ERVFRD-1: variants seen among roughly 807,000 people sequenced by gnomAD.
ERVFRD-1 encodes syncytin-2.
A neutral mutation model predicts 43.8 loss-of-function variants in ERVFRD-1; 33 were observed. The observed-to-expected ratio is 0.75, with a 90% CI of 0.57 to 1.01. The LOEUF is 1.01. ERVFRD-1 is among the 50% of genes least tolerant of loss of function. The probability of loss-of-function intolerance (pLI) is 0.00; values close to 1 mark genes in which losing one functional copy is unlikely to be tolerated. For synonymous variants in ERVFRD-1, 239 were observed against 244.4 expected (o/e 0.98, Z 0.21); for missense variants, 568 against 658.4 (o/e 0.86, Z 1.50).
chr6:11,105,092 A>G lies in ERVFRD-1; in HGVS notation c.219T>C (p.His73=). ...REWTSIEAEL[H]ISYRWDPNLK... is the part of the protein sequence containing the mutation. Reference sequence around the variant, plus strand: ...GATTAGGGTCCCATCGATAGGAAATATGTAATTCCGCCTCTATGCTTGTCC... The same window carrying G: ...GATTAGGGTCCCATCGATAGGAAATGTGTAATTCCGCCTCTATGCTTGTCC... The change falls in exon 2 of 2, where the codon CAT becomes CAC. Residue 73 remains histidine (H), a synonymous_variant. Coordinates refer to ENST00000472091, the MANE Select transcript of ERVFRD-1 (RefSeq NM_207582.3). 6.2e-7 allele frequency: 1 copy of G among 1,614,190 alleles called. No individual in the cohort carries two copies. The highest frequency in any genetic ancestry group is 8.5e-7 in the Non-Finnish European group (1 of 1,180,028).
rs932653990 is a variant in ERVFRD-1, at chr6:11,105,616, C to T, written c.-306G>A. ...GTGTGATGGATCTAGCTGGCAGTCTCCAGTACTGTAATGGCTGTAGGGGTA... is the reference window on the plus strand; with the variant it reads ...GTGTGATGGATCTAGCTGGCAGTCTTCAGTACTGTAATGGCTGTAGGGGTA... On this transcript the variant is annotated 5_prime_UTR_variant, in exon 2 of 2. Transcript: ENST00000472091. The T allele has an allele frequency of 3.0e-6, 1 of 329,520 alleles. No individual in the cohort carries two copies. Among genetic ancestry groups the T allele is most frequent in the Admixed American group, 4.5e-5 (1 of 22,042 alleles). The allele number at this position is 329,520 out of a possible 1,614,324, so 20.4% of individuals were successfully genotyped here.
In ERVFRD-1 at chr6:11,106,751, A is replaced by G. The variant is rs149758947; in HGVS notation, c.-320-1121T>C. 5.0e-3 allele frequency among the ~76,000 whole-genome samples: 756 copies of G among 152,276 alleles called. 1 individual carries two copies. The highest frequency in any genetic ancestry group is 0.024 in the South Asian group (114 of 4,818). Reference sequence around the variant, plus strand: ...GTTTAGTTAGCTAACCTATTTCCCTATGCAGTTTCATTAGAGCCCCTTTGG... The same window carrying G: ...GTTTAGTTAGCTAACCTATTTCCCTGTGCAGTTTCATTAGAGCCCCTTTGG... On this transcript the variant is annotated intron_variant, in intron 1 of 1. Coordinates refer to ENST00000472091, the MANE Select transcript of ERVFRD-1 (RefSeq NM_207582.3).
At position 11,104,511 on chromosome 6, in the gene ERVFRD-1, A is replaced by T. The variant is rs745426977; in HGVS notation, c.800T>A (p.Leu267Gln). ...AAATTCTGAGACTGCTGATATGCCC[A>T]GGTAGCTGGTGGCTATAGTCATGCC... is the stretch of plus-strand genomic sequence containing the variant. Reference protein sequence around the residue: ...LAGMTIATSYLGISAVSEFFG... With the variant: ...LAGMTIATSYQGISAVSEFFG... The change falls in exon 2 of 2, where the codon CTG becomes CAG. Residue 267 changes from leucine (L) to glutamine (Q), a missense_variant. Transcript: ENST00000472091. 1 of 1,562,358 alleles carries T rather than the reference A, an allele frequency of 6.4e-7. No individual in the cohort carries two copies. The highest frequency in any genetic ancestry group is 8.7e-7 in the Non-Finnish European group (1 of 1,152,710).
chr6:11,105,294 A>G lies in ERVFRD-1; in HGVS notation c.17T>C (p.Leu6Pro). The G allele has an allele frequency of 6.2e-7, 1 of 1,613,410 alleles. No individual in the cohort carries two copies. Among genetic ancestry groups the G allele is most frequent in the Non-Finnish European group, 8.5e-7 (1 of 1,179,586 alleles). MGLLLLVLILTPSLAA... is the reference protein window; with the variant it reads MGLLLPVLILTPSLAA... The stretch of plus-strand genomic sequence containing the variant: ...TAGTGAAGGCGTGAGAATGAGAACC[A>G]GCAGGAGCAGGCCCATGGTGACCTA... The change falls in exon 2 of 2, where the codon CTG becomes CCG. Residue 6 changes from leucine (L) to proline (P), a missense_variant. By Grantham distance (98) the Leu-to-Pro change is moderately conservative. Coordinates refer to ENST00000472091, the MANE Select transcript of ERVFRD-1 (RefSeq NM_207582.3).
chr6:11,105,078 C>T lies in ERVFRD-1; in HGVS notation c.233G>A (p.Trp78Ter). The change falls in exon 2 of 2, where the codon TGG (tryptophan) becomes TAG (stop). Residue 78 changes from tryptophan to a stop codon, truncating the protein, a stop_gained. Coordinates refer to ENST00000472091, the MANE Select transcript of ERVFRD-1 (RefSeq NM_207582.3). LOFTEE classifies it high-confidence loss of function. The stretch of plus-strand genomic sequence containing the variant: ...CATCAGTCCTTTCAGATTAGGGTCC[C>T]ATCGATAGGAAATATGTAATTCCGC... ...IEAELHISYR[W>*]DPNLKGLMRP... 1.2e-6 allele frequency: 2 copies of T among 1,614,144 alleles called. No individual in the cohort carries two copies. Among genetic ancestry groups the T allele is most frequent in the Non-Finnish European group, 1.7e-6 (2 of 1,180,024 alleles).
In ERVFRD-1 at chr6:11,104,405, G is replaced by A; in HGVS notation, c.906C>T (p.Gly302=). The change falls in exon 2 of 2, where the codon GGC becomes GGT. Residue 302 remains glycine, a synonymous_variant. Transcript: ENST00000472091. ...LKTQGAFYIC[G]QSIHQCLPSN... is the part of the protein sequence containing the mutation. ...TGGGGAGGCATTGGTGAATCGACTG[G>A]CCACAAATATAAAAGGCTCCTTGAG... 2 of 1,551,600 alleles carry A rather than the reference G, an allele frequency of 1.3e-6. No individual in the cohort carries two copies. The highest frequency in any genetic ancestry group is 1.7e-4 in the Middle Eastern group (1 of 5,992).
At position 11,104,360 on chromosome 6, in the gene ERVFRD-1, A is replaced by T; in HGVS notation, c.951T>A (p.Cys317Ter). Residue 317 changes from cysteine (C) to a stop codon, truncating the protein, a stop_gained, in exon 2 of 2, where the codon TGT becomes TGA. Transcript: ENST00000472091. LOFTEE classifies it high-confidence loss of function. ...QCLPSNWTGT[C>*]TIGYVTPDIF... is the part of the protein sequence containing the mutation. Reference sequence around the variant, plus strand: ...TGTCTGGGGTTACATAGCCTATGGTACAAGTTCCAGTCCAGTTACTGGGGA... The same window carrying T: ...TGTCTGGGGTTACATAGCCTATGGTTCAAGTTCCAGTCCAGTTACTGGGGA... The T allele has an allele frequency of 1.3e-6, 2 of 1,551,736 alleles. No homozygotes were observed. The highest frequency in any genetic ancestry group is 8.7e-7 in the Non-Finnish European group (1 of 1,147,002).
chr6:11,104,966 A>T lies in ERVFRD-1; in HGVS notation c.345T>A (p.Thr115=). The part of the protein sequence containing the change: ...QKPPIFGPIF[T]NINLMGIAPI... ...GGGCTATTCCCATTAGGTTGATATTAGTAAAGATGGGTCCGAAAATGGGAG... is the reference window on the plus strand; with the variant it reads ...GGGCTATTCCCATTAGGTTGATATTTGTAAAGATGGGTCCGAAAATGGGAG... The change falls in exon 2 of 2, where the codon ACT becomes ACA. Residue 115 remains threonine, a synonymous_variant. Coordinates refer to ENST00000472091, the MANE Select transcript of ERVFRD-1 (RefSeq NM_207582.3). 1.9e-6 allele frequency: 3 copies of T among 1,614,228 alleles called. No individual in the cohort carries two copies. Among genetic ancestry groups the T allele is most frequent in the Non-Finnish European group, 8.5e-7 (1 of 1,180,040 alleles).
rs556747259 is a variant in ERVFRD-1 at position 11,103,214 on chromosome 6, A to G, written c.*480T>C. On this transcript the variant is annotated 3_prime_UTR_variant, in exon 2 of 2. Transcript: ENST00000472091. ...GCCACTATTTTGCCTCTTAGGGTGC[A>G]TGCTTGAGCCTGCGCACCCAACTCC... 19 of 159,140 alleles carry G rather than the reference A, an allele frequency of 1.2e-4. No homozygotes were observed. The South Asian group carries it at 1.7e-3, about 14-fold the overall frequency. 9.9% of individuals were successfully genotyped at this position (159,140 alleles called of 1,614,324 possible).
At chr6:11,110,950 G>A (rs1197912252) in intron 1 of ERVFRD-1, among the ~76,000 whole-genome samples, 1 of 152,188 alleles carries the variant, frequency 6.6e-6, no homozygotes, top group Non-Finnish European at 1.5e-5. Context: ...AAGCCAGGGA[G>A]AAACATGGCC....
chr6:11,104,199 A>G lies in ERVFRD-1; in HGVS notation c.1112T>C (p.Ile371Thr), dbSNP rs1263950348. The G allele has an allele frequency of 6.4e-6, 10 of 1,551,598 alleles. No individual in the cohort carries two copies. The highest frequency in any genetic ancestry group is 2.0e-5 in the Admixed American group (1 of 50,986). The change falls in exon 2 of 2, where the codon ATT (isoleucine) becomes ACT (threonine). Residue 371 changes from isoleucine (I) to threonine (T), a missense_variant. Transcript: ENST00000472091. ...GAGGGAAGCTTTTGTGATTCCAGCA[A>G]TTCCGGTTCCCGTACCAGCTAGAAT... ...LGILAGTGTGIAGITKASLTY... is the reference protein window; with the variant it reads ...LGILAGTGTGTAGITKASLTY...
At chr6:11,109,009 G>A (rs1758131195) in intron 1 of ERVFRD-1, among the ~76,000 whole-genome samples, 1 of 152,192 alleles carries the variant, frequency 6.6e-6, no homozygotes, top group South Asian at 2.1e-4. Context: ...AGGAACATGT[G>A]GGTCCTTGCT....
chr6:11,104,560 T>A lies in ERVFRD-1; in HGVS notation c.751A>T (p.Thr251Ser). Reference sequence around the variant, plus strand: ...CCTGCTAAGACTTGGACGCAGGGTGTTTGGCTCTGGTTAGCTCCCTTGGTT... The same window carrying A: ...CCTGCTAAGACTTGGACGCAGGGTGATTGGCTCTGGTTAGCTCCCTTGGTT... The part of the protein sequence containing the change: ...NKTKGANQSQ[T>S]PCVQVLAGMT... Residue 251 changes from threonine (T) to serine (S), a missense_variant, in exon 2 of 2, where the codon ACA (threonine) becomes TCA (serine). Physicochemically the swap from Thr to Ser is moderately conservative, Grantham distance 58. Transcript: ENST00000472091. The A allele has an allele frequency of 6.2e-7, 1 of 1,603,852 alleles. No individual in the cohort carries two copies. Among genetic ancestry groups the A allele is most frequent in the Non-Finnish European group, 8.5e-7 (1 of 1,174,532 alleles).
chr6:11,107,574 A>G (rs1281603077), intron 1 of ERVFRD-1, among the ~76,000 whole-genome samples: 2 of 152,172 alleles, frequency 1.3e-5, no homozygotes, highest in Admixed American at 1.3e-4. Context: ...CTCCCACTCA[A>G]ATGCAAATAG....
rs892863224 is a variant in ERVFRD-1 at position 11,111,172 on chromosome 6, G to A, written c.-321+505C>T. On this transcript the variant is annotated intron_variant, in intron 1 of 1. Transcript: ENST00000472091. ...CAGGCTAACACAGCAAGAGCTGCGG[G>A]TGCATGAATAACAAATAGGGAATGT... Among the ~76,000 whole-genome samples the A allele has an allele frequency of 2.0e-5, 3 of 152,272 alleles. No individual in the cohort carries two copies. In the South Asian group the frequency reaches 6.2e-4, roughly 32 times the overall value.
chr6:11,104,450 A>G lies in ERVFRD-1; in HGVS notation c.861T>C (p.His287=), dbSNP rs1758051592. 2 of 1,551,946 alleles carry G rather than the reference A, an allele frequency of 1.3e-6. No individual in the cohort carries two copies. Among genetic ancestry groups the G allele is most frequent in the Non-Finnish European group, 1.7e-6 (2 of 1,147,080 alleles). ...CTTGAGTTTTAAGGCATGTAGAGAT[A>G]TGGAAATGAAATAAGGGGGTGAGGG... ...GTSLTPLFHF[H]ISTCLKTQGA... The change falls in exon 2 of 2, where the codon CAT becomes CAC. Residue 287 remains histidine (H), a synonymous_variant. Coordinates refer to ENST00000472091, the MANE Select transcript of ERVFRD-1 (RefSeq NM_207582.3).
At chr6:11,105,667 T>C (rs933005208) in intron 1 of ERVFRD-1, 37 bp from the exon 2 acceptor site, 1 of 200,564 alleles carries the variant, frequency 5.0e-6, no homozygotes, top group Admixed American at 5.3e-5. Context: ...AAGGGGCCCT[T>C]TCAAATAGGA....
rs1177130634 is a variant in ERVFRD-1 at position 11,104,764 on chromosome 6, C to G, written c.547G>C (p.Gly183Arg). ...PKPPNITFPQGTLLDKSSRFC... is the reference protein window; with the variant it reads ...PKPPNITFPQRTLLDKSSRFC... ...CGGCTGGATTTATCTAGCAAAGTTC[C>G]CTGAGGAAAAGTAATATTTGGAGGT... The change falls in exon 2 of 2, where the codon GGA becomes CGA. Residue 183 changes from glycine to arginine, a missense_variant. By Grantham distance (125) the Gly-to-Arg change is moderately radical. Coordinates refer to ENST00000472091, the MANE Select transcript of ERVFRD-1 (RefSeq NM_207582.3). 6.2e-7 allele frequency: 1 copy of G among 1,614,092 alleles called. No individual in the cohort carries two copies. The highest frequency in any genetic ancestry group is 1.1e-5 in the South Asian group (1 of 91,072).
Position 11,103,557 on chromosome 6 carries a change from G to T in ERVFRD-1, c.*137C>A. On this transcript the variant is annotated 3_prime_UTR_variant, in exon 2 of 2. Transcript: ENST00000472091. ...GAGGGGCTGTAGTGGTTGTTCTGTG[G>T]GTCTTGGCCTCTTGCTAGCTGTCAG... is the stretch of plus-strand genomic sequence containing the variant. 1 of 1,298,254 alleles carries T rather than the reference G, an allele frequency of 7.7e-7. No homozygotes were observed. Among genetic ancestry groups the T allele is most frequent in the Non-Finnish European group, 1.0e-6 (1 of 978,438 alleles). The allele number at this position is 1,298,254 out of a possible 1,614,324, so 80.4% of individuals were successfully genotyped here. A position where few individuals can be genotyped will look rare whatever the true frequency, so the allele number is the denominator to read the frequency against.
Sources: allele counts gnomAD v4.1 joint callset (sites outside exome capture counted in the v4.1 genomes callset), GRCh38; gene constraint gnomAD v4.1.1; transcripts MANE v1.5; gene names NCBI Gene and HGNC (gene_info 2026-07-23, HGNC 2026-07-21).